The following NRK variants were observed in gnomAD, a reference collection of about 807,000 sequenced individuals.
NRK encodes the protein nik-related protein kinase.
Under a neutral mutation model 125.2 loss-of-function variants are expected in NRK, and 67 were observed. The ratio of observed to expected loss-of-function variants is 0.54; its 90% CI spans 0.44 to 0.66. The LOEUF is 0.66. Ranked by LOEUF, NRK falls within the 30% of genes least tolerant of loss-of-function variation. The pLI is 0.00. For missense variants in NRK, 1,224 were observed against 1,192.9 expected (o/e 1.03, Z -0.38); for synonymous variants, 458 against 429.0 (o/e 1.07, Z -0.84).
chrX:105,835,158 C>T (rs2039246137), intron 2 of NRK, among the ~76,000 whole-genome samples: 1 of 111,298 alleles, frequency 9.0e-6, no homozygotes, highest in African/African-American at 3.3e-5. Context: ...CACACTTTTT[C>T]AGCTAGGTTG....
chrX:105,906,578 G>A lies in NRK; in HGVS notation c.1010G>A (p.Arg337Lys), dbSNP rs1396452519. 7.6e-6 allele frequency: 8 copies of A among 1,053,265 alleles called. No individual in the cohort carries two copies. In the Admixed American group the frequency reaches 1.1e-4, roughly 14 times the overall value. 86.8% of individuals were successfully genotyped at this position (1,053,265 alleles called of 1,213,427 possible). ...CATCTTACTGGAATCATTAAAAAAA[G>A]ACAGAAAAAAGGTAGAATCTGTTAA... ...TRHLTGIIKKRQKKGIPLIFE... is the reference protein window; with the variant it reads ...TRHLTGIIKKKQKKGIPLIFE... The change falls in exon 11 of 29, where the codon AGA (arginine) becomes AAA (lysine). Residue 337 changes from arginine to lysine, a missense_variant. Coordinates refer to ENST00000243300, the MANE Select transcript of NRK (RefSeq NM_198465.4).
At chrX:105,831,313 T>A (rs1468197580) in intron 2 of NRK, among the ~76,000 whole-genome samples, 194 bp downstream of exon 2, 2 of 111,936 alleles carry the variant, frequency 1.8e-5, no homozygotes, top group Non-Finnish European at 3.8e-5. Context: ...TAATCTATAG[T>A]GTACCAACCA....
At chrX:105,868,590 C>T (rs974313200) in intron 2 of NRK, among the ~76,000 whole-genome samples, 17 of 111,084 alleles carry the variant, frequency 1.5e-4, no homozygotes, top group African/African-American at 5.6e-4. Flanking sequence ...AGCCTTAACT[C>T]AAATCTTCCT....
chrX:105,867,390 G>T (rs185465926), intron 2 of NRK, among the ~76,000 whole-genome samples: 1 of 111,509 alleles, frequency 9.0e-6, no homozygotes, highest in African/African-American at 3.2e-5. Context: ...TAAGGTTATA[G>T]ATAGACCATC....
At chrX:105,881,919 A>C (rs144474493) in intron 4 of NRK, 140 bp downstream of exon 4, 1 of 409,015 alleles carries the variant, frequency 2.4e-6, no homozygotes, top group South Asian at 4.8e-5. Context: ...TAACATATTT[A>C]TATCTTTTAA....
Position 105,908,819 on chromosome X carries a change from G to A in NRK, c.1178G>A (p.Arg393Lys). 8.3e-7 allele frequency: 1 copy of A among 1,210,889 alleles called. No individual in the cohort carries two copies. Residue 393 changes from arginine (R) to lysine (K), a missense_variant, in exon 13 of 29, where the codon AGG (arginine) becomes AAG (lysine). Arg to Lys is a conservative substitution (Grantham distance 26, BLOSUM62 2). Transcript: ENST00000243300. The stretch of plus-strand genomic sequence containing the variant: ...CTGCATGGGGAACCCTCTCAGCCAA[G>A]GTGGCTACCTGATCGAGAAGAGCCA... ...RVLHGEPSQP[R>K]WLPDREEPQV...
chrX:105,939,315 A>G (rs1344513925), intron 22 of NRK, among the ~76,000 whole-genome samples: 2 of 111,942 alleles, frequency 1.8e-5, no homozygotes, highest in African/African-American at 6.5e-5. Flanking sequence ...ACTGAATTGT[A>G]AGAATTTGAT....
At chrX:105,860,099 C>T (rs918060175) in intron 2 of NRK, among the ~76,000 whole-genome samples, 10 of 111,026 alleles carry the variant, frequency 9.0e-5, no homozygotes, top group African/African-American at 3.3e-4. Flanking sequence ...CTGTTCTAAT[C>T]TCTAAAACAA....
At chrX:105,904,527 TA>T (rs1410028308) in intron 9 of NRK, among the ~76,000 whole-genome samples, 1 of 111,930 alleles carries the variant, frequency 8.9e-6, no homozygotes, top group Non-Finnish European at 1.9e-5. Flanking sequence ...AAAAATTATT[TA>T]AAAAATTTTT....
chrX:105,958,082 G>A lies in NRK; in HGVS notation c.*2482G>A, dbSNP rs2041000461. The A allele has an allele frequency of 8.9e-6, 1 of 112,138 alleles. No individual in the cohort carries two copies. The highest frequency in any genetic ancestry group is 1.9e-5 in the Non-Finnish European group (1 of 53,271). The allele number at this position is 112,138 out of a possible 1,213,427, so 9.2% of individuals were successfully genotyped here. ...GGTTATGAGCAGCACTAGGGATAAAGTATGGTTTTATTTTGGTGTAATTTA... is the reference window on the plus strand; with the variant it reads ...GGTTATGAGCAGCACTAGGGATAAAATATGGTTTTATTTTGGTGTAATTTA... On this transcript the variant is annotated 3_prime_UTR_variant, in exon 29 of 29. Transcript: ENST00000243300.
intron 5 of NRK, among the ~76,000 whole-genome samples, chrX:105,889,205 A>C (rs1401879970): frequency 8.9e-6 from 1 of 112,734 alleles, no homozygotes; most frequent in African/African-American, 3.2e-5. Context: ...AGCCCCATGC[A>C]AGTCCAAAAT....
At chrX:105,923,515 G>GT in intron 18 of NRK, 33 bp downstream of exon 18, 1 of 1,021,916 alleles carries the variant, frequency 9.8e-7, no homozygotes, top group Non-Finnish European at 1.3e-6. Context: ...TACTCTCCAT[G>GT]TTTTATGACT....
intron 27 of NRK, among the ~76,000 whole-genome samples, chrX:105,950,823 C>G (rs867478506): frequency 9.9e-6 from 1 of 100,734 alleles, no homozygotes; most frequent in Non-Finnish European, 2.0e-5. Context: ...AACATAGAGA[C>G]AGAGAGAGAG....
At chrX:105,948,928 A>G (rs2040855460) in intron 26 of NRK, among the ~76,000 whole-genome samples, 1 of 111,409 alleles carries the variant, frequency 9.0e-6, no homozygotes, top group South Asian at 3.7e-4. Context: ...AAATGCTTAG[A>G]TATTTCTTAG....
intron 19 of NRK, among the ~76,000 whole-genome samples, chrX:105,927,527 G>T (rs992561719): frequency 1.8e-5 from 2 of 111,187 alleles, no homozygotes; most frequent in African/African-American, 6.5e-5. Context: ...GAATAAGAGT[G>T]GTGAAAGTGG....
chrX:105,945,820 A>C, intron 24 of NRK, 52 bp from the exon 25 acceptor site: 1 of 1,108,413 alleles, frequency 9.0e-7, no homozygotes, highest in Non-Finnish European at 1.2e-6. Context: ...CCTAGAGTAC[A>C]TACCCAGTAT....
chrX:105,946,017 C>A lies in NRK; in HGVS notation c.4203+2C>A. The stretch of plus-strand genomic sequence containing the variant: ...CTCCTTCATTTGCTGAAGCTCAAGG[C>A]AAGGAACTTGAAGACAGCAAACAGA... On this transcript the variant is annotated splice_donor_variant, in intron 25 of 28. Coordinates refer to ENST00000243300, the MANE Select transcript of NRK (RefSeq NM_198465.4). LOFTEE classifies it high-confidence loss of function. The A allele has an allele frequency of 8.3e-7, 1 of 1,205,811 alleles. No individual in the cohort carries two copies. The highest frequency in any genetic ancestry group is 1.1e-6 in the Non-Finnish European group (1 of 891,634).
intron 3 of NRK, among the ~76,000 whole-genome samples, chrX:105,881,456 A>G (rs1948427465): frequency 1.8e-5 from 2 of 112,079 alleles, no homozygotes; most frequent in Admixed American, 1.9e-4. Context: ...AAGGAGGATA[A>G]AGCACTTTAC....
At chrX:105,954,820 T>G (rs2040953162) in intron 28 of NRK, among the ~76,000 whole-genome samples, 1 of 111,852 alleles carries the variant, frequency 8.9e-6, no homozygotes, top group Non-Finnish European at 1.9e-5. Flanking sequence ...CCACTGGGTT[T>G]AACTCATTTT....
Sources: allele counts gnomAD v4.1 joint callset (sites outside exome capture counted in the v4.1 genomes callset), GRCh38; gene constraint gnomAD v4.1.1; transcripts MANE v1.5; gene names NCBI Gene and HGNC (gene_info 2026-07-23, HGNC 2026-07-21).